The following KLHDC1 variants were observed in gnomAD, a reference collection of about 807,000 sequenced individuals.
The protein encoded by KLHDC1 is kelch domain containing 1.
KLHDC1 carries 53 observed loss-of-function variants against 68.3 expected under a neutral mutation model. The observed-to-expected ratio is 0.78, with a 90% CI of 0.62 to 0.98. KLHDC1 has a LOEUF of 0.98. Ranked by LOEUF, KLHDC1 falls within the 50% of genes least tolerant of loss-of-function variation. The pLI is 0.00. For missense variants in KLHDC1, 470 were observed against 492.3 expected, an observed-to-expected ratio of 0.95 and a Z score of 0.43; for synonymous variants, 148 against 159.0, an observed-to-expected ratio of 0.93 and a Z score of 0.52.
chr14:49,737,686 G>A (rs1425304071), intron 10 of KLHDC1, among the ~76,000 whole-genome samples: 2 of 149,994 alleles, frequency 1.3e-5, no homozygotes, highest in Non-Finnish European at 3.0e-5. Context: ...ATAATACAGT[G>A]AAACCCCATC....
intron 8 of KLHDC1, 62 bp downstream of exon 8, chr14:49,729,610 A>G (rs1594672956): frequency 3.7e-6 from 4 of 1,066,918 alleles, no homozygotes; most frequent in East Asian, 4.8e-5. Context: ...GTATGTCACC[A>G]TAATCCAAAT....
intron 10 of KLHDC1, 119 bp from the exon 11 acceptor site, chr14:49,739,979 C>A (rs188095308): frequency 3.5e-6 from 2 of 565,860 alleles, no homozygotes; most frequent in South Asian, 6.0e-5. Flanking sequence ...GGTTCAAGTT[C>A]AATCGTGTCT....
At chr14:49,736,549 C>T (rs1210321502) in intron 10 of KLHDC1, among the ~76,000 whole-genome samples, 1 of 151,986 alleles carries the variant, frequency 6.6e-6, no homozygotes, top group South Asian at 2.1e-4. Context: ...ATATATGTGT[C>T]TATATATATA....
rs770176279 is a variant in KLHDC1, at chr14:49,710,270, T to G, written c.293T>G (p.Phe98Cys). 1 of 1,574,444 alleles carries G rather than the reference T, an allele frequency of 6.4e-7. No individual in the cohort carries two copies. Among genetic ancestry groups the G allele is most frequent in the African/African-American group, 1.3e-5 (1 of 74,076 alleles). ...DDKGYSNRLY[F>C]VNLRTRDETY... ...TGTTCTCATCTTTTAAAGCTTTATT[T>G]TGTTAATTTACGAACAAGAGATGAA... The change falls in exon 4 of 13, where the codon TTT becomes TGT. Residue 98 changes from phenylalanine (F) to cysteine (C), a missense_variant. Transcript: ENST00000359332.
chr14:49,710,147 A>C (rs899497726), intron 3 of KLHDC1, 116 bp from the exon 4 acceptor site: 8 of 599,038 alleles, frequency 1.3e-5, no homozygotes, highest in Admixed American at 2.9e-5. Flanking sequence ...TTTAATAGGT[A>C]ACAAGCTTAC....
Position 49,751,728 on chromosome 14 carries a change from AAAG to A in KLHDC1, c.1183_1185del (p.Glu395del), listed in dbSNP as rs1473033861. On this transcript the variant is annotated inframe_deletion, in exon 13 of 13. Coordinates refer to ENST00000359332, the MANE Select transcript of KLHDC1 (RefSeq NM_172193.3). ...TCACCGAGAAGAACAAAGAGTCCAA[AAAG>A]AAGAAACAGAAAATAAATATCAGTG... is the stretch of plus-strand genomic sequence containing the variant. The A allele has an allele frequency of 6.3e-7, 1 of 1,598,508 alleles. No homozygotes were observed. Among genetic ancestry groups the A allele is most frequent in the South Asian group, 1.1e-5 (1 of 88,912 alleles).
intron 1 of KLHDC1, among the ~76,000 whole-genome samples, chr14:49,696,390 G>C (rs1203006731): frequency 6.6e-6 from 1 of 151,938 alleles, no homozygotes; most frequent in East Asian, 1.9e-4. Flanking sequence ...CACCATATTG[G>C]CCAGGCCGAT....
intron 4 of KLHDC1, among the ~76,000 whole-genome samples, chr14:49,711,047 C>CAATGA (rs1340274641): frequency 2.6e-5 from 4 of 151,764 alleles, no homozygotes; most frequent in Non-Finnish European, 5.9e-5. Context: ...GGCTGGAGTG[C>CAATGA]AATGGCACGA....
intron 1 of KLHDC1, among the ~76,000 whole-genome samples, chr14:49,694,159 T>G (rs1309958871): frequency 6.6e-6 from 1 of 152,180 alleles, no homozygotes; most frequent in Non-Finnish European, 1.5e-5. Context: ...TAAGAAATAT[T>G]ATGCTTTAAA....
chr14:49,726,832 C>T (rs567674436), intron 6 of KLHDC1, among the ~76,000 whole-genome samples: 1 of 152,216 alleles, frequency 6.6e-6, no homozygotes, highest in Non-Finnish European at 1.5e-5. Context: ...TTCTCTGCTT[C>T]TCTTTGTGTG....
intron 1 of KLHDC1, among the ~76,000 whole-genome samples, chr14:49,701,760 G>A (rs1345692557): frequency 6.6e-6 from 1 of 152,184 alleles, no homozygotes; most frequent in Non-Finnish European, 1.5e-5. Flanking sequence ...AGGGTCGGGT[G>A]TGGTGGCTCA....
intron 8 of KLHDC1, among the ~76,000 whole-genome samples, chr14:49,731,088 T>A (rs952906368): frequency 3.3e-5 from 5 of 152,218 alleles, no homozygotes; most frequent in African/African-American, 1.2e-4. Context: ...TTAACCAGCC[T>A]GACTAACATG....
At chr14:49,709,854 A>C in intron 3 of KLHDC1, 28 bp downstream of exon 3, 1 of 1,152,174 alleles carries the variant, frequency 8.7e-7, no homozygotes, top group Non-Finnish European at 1.3e-6. Flanking sequence ...TCAAGAGTGC[A>C]GCAAAATGTA....
rs1462407928 is a variant in KLHDC1, at chr14:49,745,695, T to C, written c.1034+1890T>C. Among the ~76,000 whole-genome samples, 4 of 152,198 alleles carry C rather than the reference T, an allele frequency of 2.6e-5. No individual in the cohort carries two copies. The South Asian group carries it at 8.3e-4, about 31-fold the overall frequency. On this transcript the variant is annotated intron_variant, in intron 12 of 12. Coordinates refer to ENST00000359332, the MANE Select transcript of KLHDC1 (RefSeq NM_172193.3). ...TGAACAAACAGTGCAAGGGTGTTAGTGTAAAGATATATACAAAAGCATAGT... is the reference window on the plus strand; with the variant it reads ...TGAACAAACAGTGCAAGGGTGTTAGCGTAAAGATATATACAAAAGCATAGT...
intron 1 of KLHDC1, among the ~76,000 whole-genome samples, chr14:49,697,287 G>A (rs1887771975): frequency 6.6e-6 from 1 of 152,172 alleles, no homozygotes; most frequent in African/African-American, 2.4e-5. Flanking sequence ...TCCAAGGAGA[G>A]GGAGAGAGAG....
rs187049516 is a variant in KLHDC1, at chr14:49,747,214, T to C, written c.1034+3409T>C. Among the ~76,000 whole-genome samples, 5 of 152,322 alleles carry C rather than the reference T, an allele frequency of 3.3e-5. No individual in the cohort carries two copies. The East Asian group carries it at 7.7e-4, about 23-fold the overall frequency. ...CACCCGCCTCGGCCTCCCAAAGTGC[T>C]GGGATTACAGGCGTGAGCCACCACA... On this transcript the variant is annotated intron_variant, in intron 12 of 12. Transcript: ENST00000359332.
intron 12 of KLHDC1, among the ~76,000 whole-genome samples, chr14:49,745,239 C>T (rs766167320): frequency 2.6e-5 from 4 of 152,200 alleles, no homozygotes; most frequent in Non-Finnish European, 5.9e-5. Context: ...ACCTTTCTGA[C>T]GTCTTTCTTA....
chr14:49,726,931 C>T (rs539665477), intron 6 of KLHDC1, among the ~76,000 whole-genome samples: 33 of 152,304 alleles, frequency 2.2e-4, no homozygotes, highest in Admixed American at 2.0e-3. Context: ...GTATTGTACT[C>T]TCTCAACGTC....
chr14:49,709,349 T>C (rs1888139017), intron 2 of KLHDC1, 120 bp downstream of exon 2: 3 of 517,744 alleles, frequency 5.8e-6, no homozygotes, highest in Admixed American at 7.9e-5. Context: ...AGTCTCCCTT[T>C]CCTTTCCTTT....
Sources: allele counts gnomAD v4.1 joint callset (sites outside exome capture counted in the v4.1 genomes callset), GRCh38; gene constraint gnomAD v4.1.1; transcripts MANE v1.5; gene names NCBI Gene and HGNC (gene_info 2026-07-23, HGNC 2026-07-21).